Variants in PDS5A observed in about 807,000 individuals in gnomAD.
PDS5A encodes the protein PDS5 cohesin associated factor A.
PDS5A carries 42 observed loss-of-function variants against 167.1 expected under a neutral mutation model. The observed-to-expected ratio is 0.25, with a 90% confidence interval of 0.20 to 0.33. The LOEUF is 0.33. PDS5A is among the 10% of genes least tolerant of loss of function. The pLI is 1.00. For synonymous variants in PDS5A, 553 were observed against 554.6 expected, an observed-to-expected ratio of 1.00 and a Z score of 0.04; for missense variants, 1,033 against 1,605.9, an observed-to-expected ratio of 0.64 and a Z score of 6.10.
At chr4:39,862,141 AAAT>A (rs1399593925) in intron 26 of PDS5A, 75 bp downstream of exon 26, 5 of 518,964 alleles carry the variant, frequency 9.6e-6, no homozygotes, top group Non-Finnish European at 1.7e-5. Context: ...TAATAAATAA[AAAT>A]AATAAACAAA....
At chr4:39,863,289 T>C (rs1234593416) in intron 24 of PDS5A, 47 bp downstream of exon 24, 1 of 1,423,506 alleles carries the variant, frequency 7.0e-7, no homozygotes, top group Admixed American at 2.2e-5. Context: ...AAGTAATGTA[T>C]TCAACTTTGA....
chr4:39,912,450 T>C (rs951863522), intron 9 of PDS5A, among the ~76,000 whole-genome samples: 4 of 152,236 alleles, frequency 2.6e-5, no homozygotes, highest in Non-Finnish European at 5.9e-5. Context: ...AAAATTCTCA[T>C]GGAGTCACAT....
At chr4:39,890,568 A>G (rs1385359618) in intron 16 of PDS5A, among the ~76,000 whole-genome samples, 1 of 152,176 alleles carries the variant, frequency 6.6e-6, no homozygotes, top group African/African-American at 2.4e-5. Flanking sequence ...GTGGTTTCTG[A>G]GTGAACACAG....
intron 20 of PDS5A, 56 bp from the exon 21 acceptor site, chr4:39,873,200 C>T (rs1720193740): frequency 1.9e-6 from 2 of 1,076,198 alleles, no homozygotes; most frequent in East Asian, 2.8e-5. Flanking sequence ...TCTAGACACT[C>T]TACTGAAACA....
chr4:39,842,935 A>T (rs996818491), intron 30 of PDS5A, among the ~76,000 whole-genome samples: 5 of 139,724 alleles, frequency 3.6e-5, no homozygotes, highest in African/African-American at 1.1e-4. Context: ...ATATATATAT[A>T]TATTTTAAGA....
chr4:39,829,895 G>C lies in PDS5A; in HGVS notation c.4011-4407C>G, dbSNP rs564827190. Among the ~76,000 whole-genome samples the C allele has an allele frequency of 6.1e-4, 80 of 130,170 alleles. 1 individual carries two copies. The highest frequency in any genetic ancestry group is 7.8e-4 in the Non-Finnish European group (50 of 64,446). 85.4% of individuals were successfully genotyped at this position (130,170 alleles called of 152,430 possible). ...GAGCCCAGGAGGTGGAGCTTGCAAAGAGCTGAGATCGAGCCACTGTACTCC... is the reference window on the plus strand; with the variant it reads ...GAGCCCAGGAGGTGGAGCTTGCAAACAGCTGAGATCGAGCCACTGTACTCC... On this transcript the variant is annotated intron_variant, in intron 32 of 32. Coordinates refer to ENST00000303538, the MANE Select transcript of PDS5A (RefSeq NM_001100399.2).
At chr4:39,839,034 A>G (rs893989882) in intron 31 of PDS5A, among the ~76,000 whole-genome samples, 2 of 152,130 alleles carry the variant, frequency 1.3e-5, no homozygotes, top group Non-Finnish European at 2.9e-5. Context: ...CACAAATAGT[A>G]CTTGAAAAAT....
At chr4:39,867,140 A>C (rs1321180905) in intron 22 of PDS5A, 143 bp from the exon 23 acceptor site, 1 of 600,236 alleles carries the variant, frequency 1.7e-6, no homozygotes, top group Non-Finnish European at 2.8e-6. Flanking sequence ...TAACAGCAAC[A>C]ATACGAACTA....
intron 30 of PDS5A, among the ~76,000 whole-genome samples, chr4:39,844,055 C>T (rs973170640): frequency 2.6e-5 from 4 of 151,810 alleles, no homozygotes; most frequent in Admixed American, 6.6e-5. Flanking sequence ...GATGCTGAAG[C>T]GAGAAGATCC....
At chr4:39,843,953 TG>T (rs1717309786) in intron 30 of PDS5A, among the ~76,000 whole-genome samples, 1 of 151,638 alleles carries the variant, frequency 6.6e-6, no homozygotes, top group Non-Finnish European at 1.5e-5. Context: ...GAGCCCGACC[TG>T]GGGAAGATGA....
In PDS5A at chr4:39,879,751, G is replaced by A. The variant is rs867747281; in HGVS notation, c.1969C>T (p.Arg657Cys). Residue 657 changes from arginine (R) to cysteine (C), a missense_variant, in exon 18 of 33, where the codon CGT becomes TGT. Arg to Cys is a radical substitution (Grantham distance 180). This residue lies in a region of PDS5A where 367 missense variants were observed against 686.7 expected (regional missense o/e 0.53). Transcript: ENST00000303538. ...ACCTTAAGAAGTTCAAGTCCTGAAC[G>A]GATAGCTGTATCTGGACTTACACCC... Reference protein sequence around the residue: ...EEGVSPDTAIRSGLELLKVLS... With the variant: ...EEGVSPDTAICSGLELLKVLS... The A allele has an allele frequency of 6.2e-7, 1 of 1,607,572 alleles. No homozygotes were observed. Among genetic ancestry groups the A allele is most frequent in the Non-Finnish European group, 8.5e-7 (1 of 1,174,234 alleles).
chr4:39,923,683 C>G (rs1210762994), intron 5 of PDS5A, among the ~76,000 whole-genome samples: 1 of 89,894 alleles, frequency 1.1e-5, no homozygotes, highest in Non-Finnish European at 2.8e-5. Flanking sequence ...GCATCCACTT[C>G]AAGGAAAGAA....
rs375379716 is a variant in PDS5A at position 39,900,450 on chromosome 4, T to C, written c.1557A>G (p.Leu519=). The C allele has an allele frequency of 2.1e-5, 34 of 1,582,260 alleles. No homozygotes were observed. In the Admixed American group the frequency reaches 2.3e-4, roughly 11 times the overall value. The change falls in exon 14 of 33, where the codon CTA becomes CTG. Residue 519 remains leucine (L), a synonymous_variant. Transcript: ENST00000303538. ...CTGTAGGCTGCTTGTGCAAATCCAA[T>C]AGTTCGCGTACATGGCTCCGAAGCA... ...QNMLRSHVRE[L]LDLHKQPTSE...
intron 19 of PDS5A, among the ~76,000 whole-genome samples, chr4:39,876,463 C>G (rs56878974): frequency 6.6e-6 from 1 of 152,092 alleles, no homozygotes; most frequent in Non-Finnish European, 1.5e-5. Context: ...ATTGCCAATA[C>G]CCTGAACATA....
intron 2 of PDS5A, among the ~76,000 whole-genome samples, chr4:39,962,665 G>T (rs1729598630): frequency 6.6e-6 from 1 of 151,804 alleles, no homozygotes; most frequent in Middle Eastern, 3.2e-3. Flanking sequence ...TTAGCCAGGT[G>T]TGGTGACACA....
chr4:39,919,943 T>C (rs1241444499), intron 7 of PDS5A, among the ~76,000 whole-genome samples: 1 of 124,220 alleles, frequency 8.1e-6, no homozygotes, highest in African/African-American at 3.1e-5. Context: ...AAAAATAAAA[T>C]AAAAAAAAAA....
chr4:39,904,781 A>T (rs62307943), intron 11 of PDS5A, among the ~76,000 whole-genome samples: 1 of 152,090 alleles, frequency 6.6e-6, no homozygotes, highest in South Asian at 2.1e-4. Context: ...CTCCTGCCTT[A>T]GCATCCTGAG....
chr4:39,935,171 G>T (rs1015003406), intron 2 of PDS5A, among the ~76,000 whole-genome samples: 9 of 152,120 alleles, frequency 5.9e-5, no homozygotes, highest in African/African-American at 2.2e-4. Context: ...TCACTCTGTT[G>T]CCTAGGCTGG....
At chr4:39,838,743 G>A (rs1716670260) in intron 31 of PDS5A, among the ~76,000 whole-genome samples, 1 of 151,954 alleles carries the variant, frequency 6.6e-6, no homozygotes, top group African/African-American at 2.4e-5. Context: ...TTGCAAGCCC[G>A]GCACGGTGCC....
Sources: allele counts gnomAD v4.1 joint callset (sites outside exome capture counted in the v4.1 genomes callset), GRCh38; gene constraint gnomAD v4.1.1; regional missense constraint gnomAD v4.1.1; transcripts MANE v1.5; gene names NCBI Gene and HGNC (gene_info 2026-07-23, HGNC 2026-07-21).